The following UMAD1 variants were observed in gnomAD, a reference collection of about 807,000 sequenced individuals.
UMAD1 encodes UBAP1-MVB12-associated (UMA) domain containing 1.
UMAD1 carries 8 observed loss-of-function variants against 6.1 expected under a neutral mutation model. The ratio of observed to expected loss-of-function variants is 1.30; its 90% confidence interval spans 0.76 to 2.35. UMAD1 has a LOEUF of 2.35. Among genes scored for constraint, UMAD1 ranks in the 30% most tolerant of loss-of-function variants. UMAD1 has a pLI of 0.00. For synonymous variants in UMAD1, 56 were observed against 31.4 expected (o/e 1.78, Z -2.61); for missense variants, 130 against 78.4 (o/e 1.66, Z -2.49).
At chr7:7,706,966 A>G (rs191838933) in intron 2 of UMAD1, among the ~76,000 whole-genome samples, 31 of 152,306 alleles carry the variant, frequency 2.0e-4, no homozygotes, top group African/African-American at 7.5e-4. Context: ...TGCCAGGCTT[A>G]TATTCTTGTC....
At chr7:7,872,424 C>T (rs1167269623) in intron 3 of UMAD1, among the ~76,000 whole-genome samples, 2 of 152,178 alleles carry the variant, frequency 1.3e-5, no homozygotes, top group Admixed American at 6.5e-5. Flanking sequence ...TCAGAACACA[C>T]ACAACATTTA....
At chr7:7,711,367 T>C (rs1780758791) in intron 2 of UMAD1, among the ~76,000 whole-genome samples, 1 of 152,202 alleles carries the variant, frequency 6.6e-6, no homozygotes, top group Non-Finnish European at 1.5e-5. Context: ...CCGGGAGGAA[T>C]TACAGGCTAT....
intron 2 of UMAD1, among the ~76,000 whole-genome samples, chr7:7,771,947 T>G (rs1312922877): frequency 1.3e-5 from 2 of 152,128 alleles, no homozygotes; most frequent in Non-Finnish European, 2.9e-5. Flanking sequence ...AGTATAGTGC[T>G]CCATGCTTGT....
chr7:7,827,151 G>GTA (rs1783362317), intron 3 of UMAD1, among the ~76,000 whole-genome samples: 1 of 147,762 alleles, frequency 6.8e-6, no homozygotes, highest in South Asian at 2.1e-4. Flanking sequence ...ATATATATGT[G>GTA]TGTGTGTGTG....
At chr7:7,836,311 G>A (rs984891007) in intron 3 of UMAD1, among the ~76,000 whole-genome samples, 1 of 151,894 alleles carries the variant, frequency 6.6e-6, no homozygotes, top group Non-Finnish European at 1.5e-5. Context: ...CTTTACAAAG[G>A]AACAGTAATT....
In UMAD1 at chr7:7,645,155, A is replaced by G. The variant is rs143065734; in HGVS notation, c.-64+4334A>G. Among the ~76,000 whole-genome samples, 667 of 152,150 alleles carry G rather than the reference A, an allele frequency of 4.4e-3. 4 individuals are homozygous for G. The highest frequency in any genetic ancestry group is 0.015 in the African/African-American group (632 of 41,488). On this transcript the variant is annotated intron_variant, in intron 1 of 3. Transcript: ENST00000682710. ...CTATCAGTTTTTTTTGGAATTTTCTATTCATATTTGAATAATTATAGTTTT... is the reference window on the plus strand; with the variant it reads ...CTATCAGTTTTTTTTGGAATTTTCTGTTCATATTTGAATAATTATAGTTTT...
intron 3 of UMAD1, among the ~76,000 whole-genome samples, chr7:7,864,829 C>G (rs1285764090): frequency 6.6e-6 from 1 of 152,106 alleles, no homozygotes; most frequent in African/African-American, 2.4e-5. Flanking sequence ...TTGGAACCAT[C>G]AGACCCACTC....
chr7:7,862,028 A>G (rs937869244), intron 3 of UMAD1, among the ~76,000 whole-genome samples: 2 of 152,220 alleles, frequency 1.3e-5, no homozygotes, highest in East Asian at 3.8e-4. Flanking sequence ...TTAAAAATAT[A>G]TATCATACTT....
chr7:7,788,341 A>G (rs1171031211), intron 2 of UMAD1, among the ~76,000 whole-genome samples: 1 of 152,124 alleles, frequency 6.6e-6, no homozygotes, highest in Non-Finnish European at 1.5e-5. Context: ...GTTGGGGAAT[A>G]TTTTAGGCTA....
intron 3 of UMAD1, among the ~76,000 whole-genome samples, chr7:7,809,594 G>A (rs1041814346): frequency 2.0e-4 from 31 of 151,864 alleles, no homozygotes; most frequent in African/African-American, 4.8e-5. Context: ...AGTATACAGT[G>A]TATTGTTATT....
chr7:7,709,654 C>T (rs1181854744), intron 2 of UMAD1, among the ~76,000 whole-genome samples: 1 of 152,190 alleles, frequency 6.6e-6, no homozygotes, highest in African/African-American at 2.4e-5. Context: ...TGGTATGTTC[C>T]TGTATTACAA....
intron 3 of UMAD1, among the ~76,000 whole-genome samples, chr7:7,862,002 A>G (rs1156470749): frequency 1.3e-5 from 2 of 152,170 alleles, no homozygotes; most frequent in East Asian, 1.9e-4. Context: ...TTGTCATAAC[A>G]TTTAATTATT....
intron 2 of UMAD1, among the ~76,000 whole-genome samples, chr7:7,769,474 T>A (rs1782058889): frequency 6.6e-6 from 1 of 152,132 alleles, no homozygotes; most frequent in Non-Finnish European, 1.5e-5. Context: ...TCATGCGCCT[T>A]AGAGAGCCTC....
chr7:7,794,216 C>G lies in UMAD1; in HGVS notation c.83-7454C>G, dbSNP rs116681668. On this transcript the variant is annotated intron_variant, in intron 2 of 3. Coordinates refer to ENST00000682710, the MANE Select transcript of UMAD1 (RefSeq NM_001302348.2). ...CCCTTTGCATGCAGACAGGCTCCAA[C>G]CCAGTCCACAACAGCCCATTTCCAG... 4.5e-3 allele frequency among the ~76,000 whole-genome samples: 679 copies of G among 152,296 alleles called. 4 individuals are homozygous for G. The highest frequency in any genetic ancestry group is 0.015 in the African/African-American group (636 of 41,562).
chr7:7,817,775 A>AAT (rs1783161308), intron 3 of UMAD1, among the ~76,000 whole-genome samples: 1 of 152,088 alleles, frequency 6.6e-6, no homozygotes, highest in African/African-American at 2.4e-5. Flanking sequence ...ACACATTTTC[A>AAT]ATGGTACTTT....
intron 2 of UMAD1, among the ~76,000 whole-genome samples, chr7:7,679,926 A>G (rs1417568062): frequency 2.0e-5 from 3 of 151,824 alleles, no homozygotes; most frequent in Non-Finnish European, 2.9e-5. Context: ...TTCCTTATAT[A>G]TACTGATTGT....
At chr7:7,855,585 G>GT (rs1264256882) in intron 3 of UMAD1, among the ~76,000 whole-genome samples, 2 of 152,206 alleles carry the variant, frequency 1.3e-5, no homozygotes, top group Non-Finnish European at 2.9e-5. Context: ...CAGCAGGGGG[G>GT]GCCCTAGACC....
At chr7:7,814,736 A>T (rs1025792612) in intron 3 of UMAD1, among the ~76,000 whole-genome samples, 1 of 152,178 alleles carries the variant, frequency 6.6e-6, no homozygotes, top group East Asian at 1.9e-4. Flanking sequence ...TGATAAAATC[A>T]TACATAGGGG....
chr7:7,858,423 G>A (rs941569283), intron 3 of UMAD1, among the ~76,000 whole-genome samples: 1 of 152,090 alleles, frequency 6.6e-6, no homozygotes, highest in African/African-American at 2.4e-5. Context: ...GCTCTGTTGG[G>A]CTGTAAGCAT....
Sources: allele counts gnomAD v4.1 joint callset (sites outside exome capture counted in the v4.1 genomes callset), GRCh38; gene constraint gnomAD v4.1.1; transcripts MANE v1.5; gene names NCBI Gene and HGNC (gene_info 2026-07-23, HGNC 2026-07-21).